The following IL5RA variants were observed in gnomAD, a reference collection of about 807,000 sequenced individuals.
IL5RA encodes interleukin 5 receptor subunit alpha, also known as interleukin-5 receptor subunit alpha.
Under a neutral mutation model 50.0 loss-of-function variants are expected in IL5RA, and 49 were observed. The observed-to-expected ratio is 0.98, with a 90% CI of 0.78 to 1.24. The LOEUF is 1.24. IL5RA is among the 50% of genes most tolerant of loss of function. The pLI is 0.00. For missense variants in IL5RA, 600 were observed against 500.4 expected (o/e 1.20, Z -1.90); for synonymous variants, 202 against 174.0 (o/e 1.16, Z -1.26).
At chr3:3,098,094 G>C in intron 6 of IL5RA, 37 bp from the exon 7 acceptor site, 2 of 1,613,878 alleles carry the variant, frequency 1.2e-6, no homozygotes, top group East Asian at 4.5e-5. Context: ...TGAGGTTGCA[G>C]GAAACAACCA....
At chr3:3,074,757 A>C (rs764469899) in intron 11 of IL5RA, 25 bp downstream of exon 11, 2 of 1,367,598 alleles carry the variant, frequency 1.5e-6, no homozygotes, top group African/African-American at 1.4e-5. Context: ...CACATACGGC[A>C]TATCATAAGA....
At chr3:3,077,028 C>T (rs964430028) in intron 9 of IL5RA, among the ~76,000 whole-genome samples, 2 of 152,144 alleles carry the variant, frequency 1.3e-5, no homozygotes, top group Admixed American at 1.3e-4. Context: ...AACCCAATGG[C>T]ATCACAATCA....
intron 2 of IL5RA, chr3:3,105,610 T>C (rs940878152): frequency 3.5e-5 from 5 of 141,114 alleles, no homozygotes; most frequent in African/African-American, 1.3e-4. Flanking sequence ...TGTTTGTTTG[T>C]TGATTTGTTT....
chr3:3,097,831 A>G (rs1703434175), intron 7 of IL5RA, 39 bp downstream of exon 7: 1 of 1,582,314 alleles, frequency 6.3e-7, no homozygotes, highest in Non-Finnish European at 8.6e-7. Context: ...TGAGATTCCG[A>G]GATTCAGTTA....
chr3:3,108,853 C>A lies in IL5RA; in HGVS notation c.-145-162G>T, dbSNP rs558138328. The stretch of plus-strand genomic sequence containing the variant: ...CCTAAAAATTTCCCATGCGGTGTTT[C>A]AAATAATATAAACAAATGAGGTGAT... On this transcript the variant is annotated intron_variant, in intron 1 of 11. Transcript: ENST00000446632. Among the ~76,000 whole-genome samples the A allele has an allele frequency of 3.3e-5, 5 of 152,298 alleles. 1 individual carries two copies. The South Asian group carries it at 1.0e-3, about 32-fold the overall frequency.
intron 9 of IL5RA, among the ~76,000 whole-genome samples, chr3:3,090,964 T>G (rs971765169): frequency 2.6e-5 from 4 of 152,206 alleles, no homozygotes; most frequent in African/African-American, 7.2e-5. Flanking sequence ...ACTGGAAATG[T>G]GCCCCTTCAT....
chr3:3,098,650 C>T (rs537551958), intron 5 of IL5RA, among the ~76,000 whole-genome samples: 2 of 152,134 alleles, frequency 1.3e-5, no homozygotes, highest in African/African-American at 2.4e-5. Flanking sequence ...TCAAGTGATC[C>T]ACCCACAGCC....
Position 3,092,440 on chromosome 3 carries a change from T to A in IL5RA, c.856-78A>T. On this transcript the variant is annotated intron_variant, in intron 8 of 11. Coordinates refer to ENST00000446632, the MANE Select transcript of IL5RA (RefSeq NM_175726.4). This position sits in a 1 kb window ranked among gnomAD's most constrained non-coding sequence, Gnocchi z 4.2. The stretch of plus-strand genomic sequence containing the variant: ...TGCCGATTATCAGAATGGGAGGTCC[T>A]ATATAGGTCATGTGACTCACTGTTC... 1 of 1,334,040 alleles carries A rather than the reference T, an allele frequency of 7.5e-7. No homozygotes were observed. Among genetic ancestry groups the A allele is most frequent in the Middle Eastern group, 2.0e-4 (1 of 5,030 alleles). 82.6% of individuals were successfully genotyped at this position (1,334,040 alleles called of 1,614,324 possible).
chr3:3,098,561 C>T (rs886782989), intron 5 of IL5RA, among the ~76,000 whole-genome samples: 3 of 152,030 alleles, frequency 2.0e-5, no homozygotes, highest in African/African-American at 7.3e-5. Flanking sequence ...GTGTGTACCA[C>T]CACACCTGGC....
At chr3:3,106,608 T>G (rs974657030) in intron 2 of IL5RA, among the ~76,000 whole-genome samples, 1 of 152,136 alleles carries the variant, frequency 6.6e-6, no homozygotes, top group African/African-American at 2.4e-5. Flanking sequence ...ACTCTATAAT[T>G]TTTTTAAAAT....
At chr3:3,077,300 C>A (rs1702518587) in intron 9 of IL5RA, among the ~76,000 whole-genome samples, 1 of 152,112 alleles carries the variant, frequency 6.6e-6, no homozygotes, top group Admixed American at 6.6e-5. Flanking sequence ...CTTCTAGGAA[C>A]TTCTTTTTTT....
At chr3:3,079,596 G>A (rs1000610149) in intron 9 of IL5RA, among the ~76,000 whole-genome samples, 5 of 152,058 alleles carry the variant, frequency 3.3e-5, no homozygotes, top group African/African-American at 7.2e-5. Flanking sequence ...TCTGGGCCTC[G>A]GTTTCCTCAT....
At chr3:3,087,540 T>C (rs375696370) in intron 9 of IL5RA, among the ~76,000 whole-genome samples, 2 of 152,330 alleles carry the variant, frequency 1.3e-5, no homozygotes, top group African/African-American at 4.8e-5. Context: ...TGTCATCTAT[T>C]TGAGAAAATT....
Position 3,071,145 on chromosome 3 carries a change from A to C in IL5RA, c.1177-834T>G, listed in dbSNP as rs1005861670. 1.1e-4 allele frequency among the ~76,000 whole-genome samples: 16 copies of C among 152,168 alleles called. 1 individual carries two copies. Among genetic ancestry groups the C allele is most frequent in the Admixed American group, 6.5e-5 (1 of 15,284 alleles). ...TTTATCTCATTTACTCATCCAAAAT[A>C]TTTTTTACTATCTGCTCCACACTAG... On this transcript the variant is annotated intron_variant, in intron 11 of 11. Transcript: ENST00000446632.
chr3:3,090,972 C>G (rs1300975315), intron 9 of IL5RA, among the ~76,000 whole-genome samples: 3 of 152,176 alleles, frequency 2.0e-5, no homozygotes, highest in East Asian at 3.9e-4. Context: ...TGTGCCCCTT[C>G]ATCCATAGCT....
intron 9 of IL5RA, among the ~76,000 whole-genome samples, chr3:3,087,662 G>C (rs1397095598): frequency 6.6e-6 from 1 of 151,188 alleles, no homozygotes; most frequent in Admixed American, 6.6e-5. Flanking sequence ...AACTATGAAA[G>C]GGTTGATATT....
rs752027398 is a variant in IL5RA, at chr3:3,067,194, C to T, written c.*3031G>A. The T allele has an allele frequency of 1.3e-5, 2 of 152,238 alleles. No individual in the cohort carries two copies. The highest frequency in any genetic ancestry group is 2.9e-5 in the Non-Finnish European group (2 of 68,056). 9.4% of individuals were successfully genotyped at this position (152,238 alleles called of 1,614,324 possible). A position where few individuals can be genotyped will look rare whatever the true frequency, so the allele number is the denominator to read the frequency against. ...CAATTTATACATAACCATTTAGACA[C>T]TTTGGCAGCAAAAACATCCAGGTTG... On this transcript the variant is annotated 3_prime_UTR_variant, in exon 12 of 12. Transcript: ENST00000446632.
At position 3,097,945 on chromosome 3, in the gene IL5RA, C is replaced by G; in HGVS notation, c.634G>C (p.Ala212Pro). The change falls in exon 7 of 12, where the codon GCG (alanine) becomes CCG (proline). Residue 212 changes from alanine (A) to proline (P), a missense_variant. By Grantham distance (27) the Ala-to-Pro change is conservative (BLOSUM62 -1). Transcript: ENST00000446632. ...FILSKGRDWL[A>P]VLVNGSSKHS... ...TTGCTGGAGCCGTTAACAAGCACCGCAAGCCAGTCACGCCCTTTGCTGAGG... is the reference window on the plus strand; with the variant it reads ...TTGCTGGAGCCGTTAACAAGCACCGGAAGCCAGTCACGCCCTTTGCTGAGG... The G allele has an allele frequency of 6.2e-7, 1 of 1,614,102 alleles. No individual in the cohort carries two copies. The highest frequency in any genetic ancestry group is 8.5e-7 in the Non-Finnish European group (1 of 1,180,034).
At chr3:3,086,988 T>C (rs1215295062) in intron 9 of IL5RA, among the ~76,000 whole-genome samples, 1 of 152,152 alleles carries the variant, frequency 6.6e-6, no homozygotes, top group East Asian at 1.9e-4. Flanking sequence ...CCATATGTTC[T>C]CACTTATAAA....
Sources: allele counts gnomAD v4.1 joint callset (sites outside exome capture counted in the v4.1 genomes callset), GRCh38; gene constraint gnomAD v4.1.1; non-coding constraint Gnocchi (gnomAD v3.1); transcripts MANE v1.5; gene names NCBI Gene and HGNC (gene_info 2026-07-23, HGNC 2026-07-21).